SGMS1: variants seen among roughly 807,000 people sequenced by gnomAD.
The protein encoded by SGMS1 is phosphatidylcholine:ceramide cholinephosphotransferase 1.
In SGMS1, 13 loss-of-function variants were observed where a neutral mutation model predicts 46.2. The ratio of observed to expected loss-of-function variants is 0.28; its 90% CI spans 0.18 to 0.45. SGMS1 has a LOEUF of 0.45. SGMS1 is among the 20% of genes least tolerant of loss of function. The pLI is 1.00. For missense variants in SGMS1, 324 were observed against 519.9 expected, an observed-to-expected ratio of 0.62 and a Z score of 3.66; for synonymous variants, 203 against 187.8, an observed-to-expected ratio of 1.08 and a Z score of -0.66.
intron 3 of SGMS1, among the ~76,000 whole-genome samples, chr10:50,515,317 G>A (rs1564422151): frequency 6.6e-6 from 1 of 152,156 alleles, no homozygotes; most frequent in Non-Finnish European, 1.5e-5. Flanking sequence ...ATAAACCTAT[G>A]AAAGACAGCA....
At chr10:50,538,981 C>T (rs1044137021) in intron 2 of SGMS1, among the ~76,000 whole-genome samples, 9 of 152,342 alleles carry the variant, frequency 5.9e-5, no homozygotes, top group Admixed American at 2.0e-4. Context: ...CCACCGAACT[C>T]GGTGAGCAGC....
chr10:50,530,022 T>C (rs1010419723), intron 2 of SGMS1, among the ~76,000 whole-genome samples: 5 of 152,238 alleles, frequency 3.3e-5, no homozygotes, highest in Admixed American at 2.0e-4. Context: ...AGGCCCTCTG[T>C]ATACTAAATA....
chr10:50,347,071 T>C (rs2133370009), intron 6 of SGMS1, among the ~76,000 whole-genome samples: 1 of 152,282 alleles, frequency 6.6e-6, no homozygotes, highest in South Asian at 2.1e-4. Flanking sequence ...GCAAACAAAC[T>C]GGGTGTTCCC....
At chr10:50,445,916 G>C (rs1398154341) in intron 5 of SGMS1, among the ~76,000 whole-genome samples, 1 of 152,110 alleles carries the variant, frequency 6.6e-6, no homozygotes, top group Non-Finnish European at 1.5e-5. Context: ...GAAAGAGAAT[G>C]CATTTCTAAG....
intron 3 of SGMS1, among the ~76,000 whole-genome samples, chr10:50,478,596 A>C (rs758641856): frequency 6.6e-6 from 1 of 152,198 alleles, no homozygotes. Context: ...GTTATAAGAA[A>C]ACCTATCAAC....
At chr10:50,538,028 C>G (rs1448499054) in intron 2 of SGMS1, among the ~76,000 whole-genome samples, 4 of 151,982 alleles carry the variant, frequency 2.6e-5, no homozygotes, top group African/African-American at 4.8e-5. Flanking sequence ...TGCTTGAGCC[C>G]AGCTATTCAA....
chr10:50,560,130 T>C (rs1465101782), intron 2 of SGMS1, among the ~76,000 whole-genome samples: 1 of 146,678 alleles, frequency 6.8e-6, no homozygotes, highest in East Asian at 2.0e-4. Context: ...TTATAACACA[T>C]ATGTAATATG....
intron 2 of SGMS1, among the ~76,000 whole-genome samples, chr10:50,580,627 G>A (rs1341526320): frequency 6.6e-6 from 1 of 152,180 alleles, no homozygotes; most frequent in Non-Finnish European, 1.5e-5. Context: ...GCCAAATTGA[G>A]TTTTGGAGTT....
chr10:50,561,176 A>G (rs146974013), intron 2 of SGMS1, among the ~76,000 whole-genome samples: 1 of 152,124 alleles, frequency 6.6e-6, no homozygotes, highest in Non-Finnish European at 1.5e-5. Context: ...AAAAATCAAC[A>G]TTTCTCTGGG....
rs572816425 is a variant in SGMS1 at position 50,319,542 on chromosome 10, A to G, written c.741+7663T>C. 1.9e-3 allele frequency among the ~76,000 whole-genome samples: 292 copies of G among 152,312 alleles called. 1 individual carries two copies. The highest frequency in any genetic ancestry group is 6.8e-3 in the African/African-American group (281 of 41,564). ...CAGAGAATACACATTGAGGTTACTT[A>G]TCATGCCCTGATTTCTTCTTAGTCT... On this transcript the variant is annotated intron_variant, in intron 8 of 10. Transcript: ENST00000361781.
At position 50,378,085 on chromosome 10, in the gene SGMS1, A is replaced by G. The variant is rs549619413; in HGVS notation, c.-231-33740T>C. 3.3e-5 allele frequency among the ~76,000 whole-genome samples: 5 copies of G among 152,286 alleles called. No homozygotes were observed. In the South Asian group the frequency reaches 1.0e-3, roughly 32 times the overall value. On this transcript the variant is annotated intron_variant, in intron 6 of 10. Transcript: ENST00000361781. ...AAATATTTTCAGTGATTTTGCTTCT[A>G]CCTTGGATTTTTTAGGAGCCATAAT...
At chr10:50,318,914 C>G (rs1438938971) in intron 8 of SGMS1, among the ~76,000 whole-genome samples, 1 of 152,110 alleles carries the variant, frequency 6.6e-6, no homozygotes, top group Admixed American at 6.5e-5. Flanking sequence ...CTCCCACCAG[C>G]CCCTCCTTCC....
chr10:50,536,670 C>A (rs1838004844), intron 2 of SGMS1, among the ~76,000 whole-genome samples: 1 of 152,184 alleles, frequency 6.6e-6, no homozygotes, highest in South Asian at 2.1e-4. Flanking sequence ...GGTCTCTCCT[C>A]CATGTTTACA....
At chr10:50,505,904 C>G (rs1419343158) in intron 3 of SGMS1, among the ~76,000 whole-genome samples, 1 of 152,164 alleles carries the variant, frequency 6.6e-6, no homozygotes, top group Non-Finnish European at 1.5e-5. Flanking sequence ...CCGGCTGACC[C>G]CACTCCCACC....
At chr10:50,414,676 T>A (rs953459750) in intron 6 of SGMS1, among the ~76,000 whole-genome samples, 1 of 152,226 alleles carries the variant, frequency 6.6e-6, no homozygotes, top group Non-Finnish European at 1.5e-5. Flanking sequence ...AGAACTCAAA[T>A]AACTTGCCCA....
intron 3 of SGMS1, among the ~76,000 whole-genome samples, chr10:50,473,296 C>T (rs1028118709): frequency 6.6e-6 from 1 of 152,154 alleles, no homozygotes; most frequent in Admixed American, 6.5e-5. Context: ...TATAATCCAG[C>T]AATTTAATAA....
At position 50,344,127 on chromosome 10, in the gene SGMS1, C is replaced by T. The variant is rs1339271415; in HGVS notation, c.-13G>A. On this transcript the variant is annotated 5_prime_UTR_variant, in exon 7 of 11. Transcript: ENST00000361781. ...CCACTTCCTTCATTGTACTGGCAGA[C>T]AGCAGGCAGTCCCCAGCTCTCTCTT... 2.5e-6 allele frequency: 4 copies of T among 1,586,790 alleles called. No individual in the cohort carries two copies. In the South Asian group the frequency reaches 4.6e-5, roughly 18 times the overall value.
At chr10:50,560,578 TA>T (rs1838228256) in intron 2 of SGMS1, among the ~76,000 whole-genome samples, 1 of 145,962 alleles carries the variant, frequency 6.9e-6, no homozygotes, top group African/African-American at 2.5e-5. Flanking sequence ...ATATACATAA[TA>T]CAAATATACA....
intron 8 of SGMS1, among the ~76,000 whole-genome samples, chr10:50,315,317 T>C (rs550396395): frequency 6.6e-5 from 10 of 152,278 alleles, no homozygotes; most frequent in Non-Finnish European, 1.5e-4. Flanking sequence ...AGCTTGGAAA[T>C]TGGTAGGCTT....
Sources: allele counts gnomAD v4.1 joint callset (sites outside exome capture counted in the v4.1 genomes callset), GRCh38; gene constraint gnomAD v4.1.1; transcripts MANE v1.5; gene names NCBI Gene and HGNC (gene_info 2026-07-23, HGNC 2026-07-21).